Variants in KIF23 observed in about 807,000 individuals in gnomAD.
The protein encoded by KIF23 is kinesin family member 23.
KIF23 carries 30 observed loss-of-function variants against 137.5 expected under a neutral mutation model. The observed-to-expected ratio is 0.22, with a 90% CI of 0.16 to 0.30. The LOEUF (loss-of-function observed/expected upper bound fraction) is 0.30. Among genes scored for constraint, KIF23 ranks in the 10% least tolerant of loss-of-function variants. The pLI is 1.00. For synonymous variants in KIF23, 367 were observed against 391.1 expected (o/e 0.94, Z 0.73); for missense variants, 920 against 1,194.3 (o/e 0.77, Z 3.38).
chr15:69,416,930 CAA>C (rs200785313), intron 2 of KIF23, among the ~76,000 whole-genome samples: 1,560 of 144,720 alleles, frequency 0.011, 9 homozygotes, highest in Non-Finnish European at 0.015. Context: ...GCCTGGGTGA[CAA>C]GAGAGAAACT....
chr15:69,416,087 G>A (rs770677372), intron 2 of KIF23, 24 bp downstream of exon 2: 1 of 1,502,622 alleles, frequency 6.7e-7, no homozygotes, highest in African/African-American at 1.4e-5. Context: ...GTAAATTTAT[G>A]TGTGGTGTTT....
chr15:69,419,065 C>T (rs1250075197), intron 3 of KIF23, among the ~76,000 whole-genome samples: 1 of 152,084 alleles, frequency 6.6e-6, no homozygotes, highest in Admixed American at 6.5e-5. Flanking sequence ...TGCAGTGAGC[C>T]GAGATCGCGC....
intron 19 of KIF23, among the ~76,000 whole-genome samples, chr15:69,442,797 C>A (rs889187236): frequency 3.1e-4 from 47 of 152,116 alleles, no homozygotes; most frequent in African/African-American, 1.1e-3. Context: ...GAGATTCTTA[C>A]GTGAAATCAA....
At chr15:69,434,492 C>T in intron 11 of KIF23, 1 of 651,910 alleles carries the variant, frequency 1.5e-6, no homozygotes, top group Admixed American at 2.1e-5. Context: ...CACCTTCAAT[C>T]TCATACTGAC....
intron 10 of KIF23, chr15:69,427,271 TATCC>T: frequency 2.8e-6 from 1 of 360,280 alleles, no homozygotes. Flanking sequence ...TGAAATTTAG[TATCC>T]ATAGGAGATC....
intron 4 of KIF23, 95 bp downstream of exon 4, chr15:69,421,847 G>A: frequency 7.8e-7 from 1 of 1,290,284 alleles, no homozygotes; most frequent in Non-Finnish European, 1.1e-6. Flanking sequence ...TATGTTTGGT[G>A]TTGAATCCAT....
chr15:69,437,600 A>C (rs1248695371), intron 15 of KIF23, among the ~76,000 whole-genome samples: 1 of 151,126 alleles, frequency 6.6e-6, no homozygotes, highest in Non-Finnish European at 1.5e-5. Flanking sequence ...AGCTGGGATT[A>C]TAGGTGCACA....
intron 1 of KIF23, chr15:69,414,695 G>A (rs2056847263): frequency 1.6e-5 from 7 of 442,116 alleles, no homozygotes; most frequent in Non-Finnish European, 2.7e-5. Context: ...GCCCCCCGCC[G>A]CCCCGCCTGG....
chr15:69,435,458 G>A, intron 11 of KIF23, 25 bp from the exon 12 acceptor site: 1 of 1,571,170 alleles, frequency 6.4e-7, no homozygotes, highest in Non-Finnish European at 8.7e-7. Context: ...TTCTGAAATG[G>A]CGTCTATGTA....
chr15:69,436,798 A>C (rs2057494206), intron 15 of KIF23, 76 bp downstream of exon 15: 1 of 969,916 alleles, frequency 1.0e-6, no homozygotes, highest in Non-Finnish European at 1.4e-6. Flanking sequence ...TCTGTACCCC[A>C]GGGTGGAGTG....
At chr15:69,441,840 C>G (rs946730428) in intron 19 of KIF23, among the ~76,000 whole-genome samples, 2 of 151,926 alleles carry the variant, frequency 1.3e-5, no homozygotes, top group African/African-American at 4.8e-5. Flanking sequence ...ATGATTATGG[C>G]TCACTGCAGC....
At chr15:69,436,870 T>C in intron 15 of KIF23, 148 bp downstream of exon 15, 1 of 476,658 alleles carries the variant, frequency 2.1e-6, no homozygotes, top group Non-Finnish European at 3.5e-6. Flanking sequence ...TTCTCCTGCC[T>C]TAGTCTCCCG....
At chr15:69,429,003 A>C (rs1490614046) in intron 10 of KIF23, 108 bp from the exon 11 acceptor site, 2 of 676,848 alleles carry the variant, frequency 3.0e-6, no homozygotes, top group African/African-American at 3.7e-5. Context: ...TGCATTTTGT[A>C]CTGTGCAAAT....
intron 5 of KIF23, 35 bp from the exon 6 acceptor site, chr15:69,422,291 G>C: frequency 6.9e-7 from 1 of 1,441,666 alleles, no homozygotes; most frequent in South Asian, 1.2e-5. Context: ...TCTAAAAAAC[G>C]TGGTGTGATT....
chr15:69,421,397 A>G (rs2057052292), intron 3 of KIF23, among the ~76,000 whole-genome samples: 1 of 152,172 alleles, frequency 6.6e-6, no homozygotes, highest in Non-Finnish European at 1.5e-5. Flanking sequence ...TCAAAAAAAA[A>G]GAGTTTTCTA....
intron 10 of KIF23, among the ~76,000 whole-genome samples, chr15:69,428,784 A>G (rs753253275): frequency 6.6e-6 from 1 of 152,078 alleles, no homozygotes; most frequent in African/African-American, 2.4e-5. Context: ...TATTCAGCAA[A>G]TATCTGCTGA....
chr15:69,422,867 C>T, intron 6 of KIF23: 1 of 303,666 alleles, frequency 3.3e-6, no homozygotes, highest in Non-Finnish European at 6.1e-6. Context: ...GTGGCATGAT[C>T]TCGGCTCACT....
Position 69,444,852 on chromosome 15 carries a change from T to C in KIF23, c.2484T>C (p.Ser828=). Residue 828 remains serine, a synonymous_variant, in exon 20 of 24, where the codon TCT becomes TCC. Transcript: ENST00000679126. This position sits in a 1 kb window ranked among gnomAD's most constrained non-coding sequence, Gnocchi z 4.2. ...PIRLRHRRSR[S]AGDRWVDHKP... The stretch of plus-strand genomic sequence containing the variant: ...GTCTCCGACACAGACGATCACGCTC[T>C]GCAGGAGACAGATGGGTAGATCATA... 3.1e-6 allele frequency: 5 copies of C among 1,614,172 alleles called. No individual in the cohort carries two copies. The highest frequency in any genetic ancestry group is 4.2e-6 in the Non-Finnish European group (5 of 1,180,028).
chr15:69,440,854 C>T lies in KIF23; in HGVS notation c.2196C>T (p.Ser732=), dbSNP rs1183704182. The T allele has an allele frequency of 2.5e-6, 4 of 1,614,118 alleles. No homozygotes were observed. Among genetic ancestry groups the T allele is most frequent in the Non-Finnish European group, 3.4e-6 (4 of 1,180,038 alleles). ...TACATAGGCGCTCTAACTCTTGCAG[C>T]AGCATTTCTGTAGCTTCCTGTATTT... ...PQLHRRSNSC[S]SISVASCISE... is the part of the protein sequence containing the mutation. Residue 732 remains serine (S), a synonymous_variant, in exon 19 of 24, where the codon AGC becomes AGT. Coordinates refer to ENST00000679126, the MANE Select transcript of KIF23 (RefSeq NM_001367805.3).
Sources: gnomAD v4.1 joint callset for allele counts (sites outside exome capture counted in the v4.1 genomes callset) on GRCh38, gnomAD v4.1.1 for gene constraint, Gnocchi (gnomAD v3.1) non-coding constraint, MANE v1.5 for transcripts, NCBI Gene and HGNC (gene_info 2026-07-23, HGNC 2026-07-21) for gene names.